USP20: variants seen among roughly 807,000 people sequenced by gnomAD.
The protein encoded by USP20 is ubiquitin carboxyl-terminal hydrolase 20.
In USP20, 80 loss-of-function variants were observed where a neutral mutation model predicts 124.2. The observed-to-expected ratio is 0.64, with a 90% CI of 0.54 to 0.78. The LOEUF (loss-of-function observed/expected upper bound fraction) is 0.78. Ranked by LOEUF, USP20 falls within the 30% of genes least tolerant of loss-of-function variation. The pLI is 0.00. For synonymous variants in USP20, 481 were observed against 512.3 expected (o/e 0.94, Z 0.83); for missense variants, 1,043 against 1,244.4 (o/e 0.84, Z 2.44).
At chr9:129,835,987 G>A (rs1288222227) in intron 1 of USP20, 2 of 152,246 alleles carry the variant, frequency 1.3e-5, no homozygotes, top group African/African-American at 2.4e-5. Flanking sequence ...CGCGTCTGAT[G>A]TTTTGAAGCC....
At chr9:129,837,538 A>G (rs1478806617) in intron 1 of USP20, among the ~76,000 whole-genome samples, 2 of 145,008 alleles carry the variant, frequency 1.4e-5, no homozygotes, top group Non-Finnish European at 3.1e-5. Flanking sequence ...CTTAGCATTT[A>G]CTATATGAGC....
chr9:129,851,227 C>T (rs991913054), intron 2 of USP20, among the ~76,000 whole-genome samples: 1 of 151,508 alleles, frequency 6.6e-6, no homozygotes. Context: ...TACCTTCACC[C>T]AGTTTCCCCT....
chr9:129,873,080 C>CTTCTTT (rs1463874554), intron 15 of USP20, among the ~76,000 whole-genome samples: 1 of 78,358 alleles, frequency 1.3e-5, no homozygotes, highest in East Asian at 4.5e-4. Context: ...TTTTCTTCTT[C>CTTCTTT]TTTTTTTTTT....
chr9:129,876,472 C>T (rs928850018), intron 22 of USP20, among the ~76,000 whole-genome samples: 2 of 152,070 alleles, frequency 1.3e-5, no homozygotes, highest in Non-Finnish European at 2.9e-5. Flanking sequence ...AACCCCGTCT[C>T]TACTAAAAAT....
chr9:129,879,977 C>G lies in USP20; in HGVS notation c.2585-136C>G. ...TCCTCTGGGAAATCCTGATTTCCAT[C>G]TGACAGCTTTGCATAGAAGCCCTGG... is the stretch of plus-strand genomic sequence containing the variant. On this transcript the variant is annotated intron_variant, in intron 24 of 25. Coordinates refer to ENST00000372429, the MANE Select transcript of USP20 (RefSeq NM_001110303.4). The surrounding 1 kb of genome is among the most constrained non-coding windows in gnomAD (Gnocchi z 4.2). 1 of 1,068,136 alleles carries G rather than the reference C, an allele frequency of 9.4e-7. No homozygotes were observed. Among genetic ancestry groups the G allele is most frequent in the East Asian group, 2.5e-5 (1 of 39,548 alleles). The allele number at this position is 1,068,136 out of a possible 1,614,324, so 66.2% of individuals were successfully genotyped here.
chr9:129,844,672 A>T (rs2131036413), intron 1 of USP20, among the ~76,000 whole-genome samples: 1 of 151,936 alleles, frequency 6.6e-6, no homozygotes, highest in Admixed American at 6.6e-5. Flanking sequence ...CATGTAAATA[A>T]GACTTACCAA....
chr9:129,880,848 CGGAG>C lies in USP20; in HGVS notation c.*403_*406del, dbSNP rs2034610122. On this transcript the variant is annotated 3_prime_UTR_variant, in exon 26 of 26. Coordinates refer to ENST00000372429, the MANE Select transcript of USP20 (RefSeq NM_001110303.4). ...CGATTGGCCCGGAGCCCCGAAGACT[CGGAG>C]GGAGCTGCTCAGGGCCGGTGAGCGC... 6.5e-6 allele frequency: 1 copy of C among 154,084 alleles called. No individual in the cohort carries two copies. Among genetic ancestry groups the C allele is most frequent in the Admixed American group, 6.4e-5 (1 of 15,718 alleles). The allele number at this position is 154,084 out of a possible 1,614,324, so 9.5% of individuals were successfully genotyped here.
intron 4 of USP20, 65 bp from the exon 5 acceptor site, chr9:129,857,985 G>A: frequency 2.0e-6 from 3 of 1,463,894 alleles, no homozygotes; most frequent in Non-Finnish European, 2.9e-6. Flanking sequence ...GATGGAACCA[G>A]AGACACTGTG....
At chr9:129,871,426 G>A (rs967480425) in intron 15 of USP20, among the ~76,000 whole-genome samples, 33 of 152,172 alleles carry the variant, frequency 2.2e-4, no homozygotes, top group African/African-American at 7.0e-4. Flanking sequence ...TCGTTCATCC[G>A]TCAGTGGACA....
At chr9:129,865,501 G>T in intron 10 of USP20, 120 bp downstream of exon 10, 1 of 1,035,128 alleles carries the variant, frequency 9.7e-7, no homozygotes, top group South Asian at 1.4e-5. Flanking sequence ...CAGGTCTCAC[G>T]GACCAGGCTC....
chr9:129,863,405 G>A (rs1312891647), intron 9 of USP20, 106 bp downstream of exon 9: 2 of 853,964 alleles, frequency 2.3e-6, no homozygotes, highest in Non-Finnish European at 1.8e-6. Flanking sequence ...GCGAGGACTT[G>A]CCTCACTTTG....
At chr9:129,873,373 C>T (rs1032088339) in intron 15 of USP20, 109 bp from the exon 16 acceptor site, 9 of 1,399,056 alleles carry the variant, frequency 6.4e-6, no homozygotes, top group Admixed American at 5.1e-5. Flanking sequence ...CATGAGCCAC[C>T]ATGCCCAGCC....
chr9:129,860,440 T>C (rs903252396), intron 6 of USP20, among the ~76,000 whole-genome samples: 1 of 70,424 alleles, frequency 1.4e-5, no homozygotes, highest in Non-Finnish European at 3.0e-5. Context: ...AAATTTATTA[T>C]AAATAAAATA....
chr9:129,861,512 C>CCTG, intron 7 of USP20, 31 bp from the exon 8 acceptor site: 1 of 1,610,836 alleles, frequency 6.2e-7, no homozygotes, highest in East Asian at 2.2e-5. Flanking sequence ...AGGGTGCTCA[C>CCTG]CTGCTCCTCC....
At chr9:129,855,181 C>T (rs981205740) in intron 3 of USP20, among the ~76,000 whole-genome samples, 5 of 152,180 alleles carry the variant, frequency 3.3e-5, no homozygotes, top group Non-Finnish European at 2.9e-5. Flanking sequence ...CCTGTAATCC[C>T]AGCACTTTGG....
intron 2 of USP20, among the ~76,000 whole-genome samples, chr9:129,851,470 G>A (rs897154388): frequency 4.6e-5 from 7 of 151,996 alleles, no homozygotes; most frequent in Admixed American, 3.9e-4. Flanking sequence ...AACTGACATT[G>A]GCATAATCCA....
At chr9:129,862,644 G>C (rs1025103667) in intron 8 of USP20, among the ~76,000 whole-genome samples, 1 of 151,906 alleles carries the variant, frequency 6.6e-6, no homozygotes, top group African/African-American at 2.4e-5. Flanking sequence ...CGTGGCTTAC[G>C]CCTGTAATCC....
chr9:129,841,866 G>A (rs142491136), intron 1 of USP20, among the ~76,000 whole-genome samples: 1 of 152,120 alleles, frequency 6.6e-6, no homozygotes, highest in African/African-American at 2.4e-5. Context: ...TCACCATGGC[G>A]CCTGTTCGTT....
intron 2 of USP20, among the ~76,000 whole-genome samples, 157 bp from the exon 3 acceptor site, chr9:129,852,383 A>G (rs1317432097): frequency 2.0e-5 from 3 of 152,184 alleles, no homozygotes; most frequent in African/African-American, 7.2e-5. Flanking sequence ...AGACAAGGAA[A>G]GTGATGCTCA....
Sources: allele counts gnomAD v4.1 joint callset (sites outside exome capture counted in the v4.1 genomes callset), GRCh38; gene constraint gnomAD v4.1.1; non-coding constraint Gnocchi (gnomAD v3.1); transcripts MANE v1.5; gene names NCBI Gene and HGNC (gene_info 2026-07-23, HGNC 2026-07-21).